Variants in ZNF407 observed in about 807,000 individuals in gnomAD.
ZNF407 encodes zinc finger protein 407.
In ZNF407, 17 loss-of-function variants were observed where a neutral mutation model predicts 131.2. The observed-to-expected ratio is 0.13, with a 90% CI of 0.09 to 0.19. ZNF407 has a LOEUF of 0.19. Among genes scored for constraint, ZNF407 ranks in the 10% least tolerant of loss-of-function variants. The probability of loss-of-function intolerance (pLI) is 1.00; values close to 1 mark genes in which losing one functional copy is unlikely to be tolerated. For synonymous variants in ZNF407, 1,156 were observed against 1,062.0 expected (o/e 1.09, Z -1.72); for missense variants, 2,681 against 2,830.6 (o/e 0.95, Z 1.20).
intron 1 of ZNF407, among the ~76,000 whole-genome samples, chr18:74,624,376 A>G (rs890179954): frequency 6.6e-6 from 1 of 152,162 alleles, no homozygotes; most frequent in African/African-American, 2.4e-5. Flanking sequence ...AGTGAACTAA[A>G]AACAACTTTT....
At chr18:75,028,834 C>G (rs1327434785) in intron 8 of ZNF407, among the ~76,000 whole-genome samples, 1 of 152,194 alleles carries the variant, frequency 6.6e-6, no homozygotes, top group Non-Finnish European at 1.5e-5. Context: ...ACATTTGTGT[C>G]TGTCTCCTGA....
At chr18:74,729,915 A>T (rs1378985468) in intron 3 of ZNF407, among the ~76,000 whole-genome samples, 2 of 152,244 alleles carry the variant, frequency 1.3e-5, no homozygotes, top group African/African-American at 4.8e-5. Flanking sequence ...TTTGGCAGTG[A>T]TGCATTATAT....
intron 4 of ZNF407, among the ~76,000 whole-genome samples, chr18:74,870,396 T>A (rs956719256): frequency 1.3e-5 from 2 of 152,200 alleles, no homozygotes; most frequent in Non-Finnish European, 2.9e-5. Context: ...GGAGGCTCCC[T>A]GGTGAACTGT....
chr18:74,613,270 C>G (rs1341338517), intron 1 of ZNF407, among the ~76,000 whole-genome samples: 1 of 147,510 alleles, frequency 6.8e-6, no homozygotes, highest in Admixed American at 6.6e-5. Context: ...TTTCTTTTGT[C>G]ATATTTATCT....
intron 7 of ZNF407, among the ~76,000 whole-genome samples, chr18:74,913,343 G>C (rs186272097): frequency 5.9e-5 from 9 of 152,304 alleles, no homozygotes; most frequent in Admixed American, 3.3e-4. Flanking sequence ...AGAATAGGTT[G>C]TGTCCACACT....
intron 4 of ZNF407, among the ~76,000 whole-genome samples, chr18:74,815,360 G>A (rs532642401): frequency 3.0e-4 from 45 of 152,140 alleles, no homozygotes; most frequent in African/African-American, 9.4e-4. Flanking sequence ...TGTCACTGAC[G>A]CATCTCTGCT....
chr18:74,832,443 G>A (rs1970498430), intron 4 of ZNF407, among the ~76,000 whole-genome samples: 1 of 151,714 alleles, frequency 6.6e-6, no homozygotes, highest in Non-Finnish European at 1.5e-5. Context: ...TTTTATTTAA[G>A]TTGGTTTTTT....
At chr18:74,779,799 C>T (rs993487168) in intron 3 of ZNF407, among the ~76,000 whole-genome samples, 2 of 151,804 alleles carry the variant, frequency 1.3e-5, no homozygotes, top group Admixed American at 1.3e-4. Context: ...TCTAAGTTCC[C>T]ATCTCTTAAT....
At chr18:74,968,086 C>T (rs1972428888) in intron 8 of ZNF407, among the ~76,000 whole-genome samples, 1 of 152,052 alleles carries the variant, frequency 6.6e-6, no homozygotes, top group Non-Finnish European at 1.5e-5. Flanking sequence ...ACATCAGTGA[C>T]CCAATTTGGC....
intron 8 of ZNF407, among the ~76,000 whole-genome samples, chr18:74,963,032 C>G (rs571508531): frequency 1.3e-3 from 196 of 152,348 alleles, no homozygotes; most frequent in African/African-American, 4.5e-3. Flanking sequence ...TCAGCCCCTT[C>G]TTCCAGCAGC....
In ZNF407 at chr18:75,064,291, G is replaced by C. The variant is rs1360910446; in HGVS notation, c.6570G>C (p.Val2190=). ...QDEPGLYSHT[V]LETADSQELL... is the part of the protein sequence containing the mutation. ...AGCCGGGCCTGTACTCCCACACCGT[G>C]CTGGAGACTGCGGACTCGCAGGAAC... is the stretch of plus-strand genomic sequence containing the variant. The change falls in exon 9 of 9, where the codon GTG becomes GTC. Residue 2190 remains valine, a synonymous_variant. Transcript: ENST00000299687. The C allele has an allele frequency of 3.1e-6, 5 of 1,603,718 alleles. No homozygotes were observed. Among genetic ancestry groups the C allele is most frequent in the Non-Finnish European group, 4.3e-6 (5 of 1,176,206 alleles).
At chr18:74,630,470 C>T (rs936253413) in intron 1 of ZNF407, among the ~76,000 whole-genome samples, 14 of 152,046 alleles carry the variant, frequency 9.2e-5, no homozygotes, top group South Asian at 2.1e-4. Flanking sequence ...CACGCCTGGC[C>T]GAAACAGTTG....
intron 3 of ZNF407, among the ~76,000 whole-genome samples, chr18:74,769,687 T>G (rs1444060236): frequency 6.6e-6 from 1 of 152,226 alleles, no homozygotes; most frequent in Non-Finnish European, 1.5e-5. Context: ...TGGCCTAGAC[T>G]AGATGCAGGT....
chr18:75,029,062 G>A (rs1973205614), intron 8 of ZNF407, among the ~76,000 whole-genome samples: 1 of 152,178 alleles, frequency 6.6e-6, no homozygotes, highest in South Asian at 2.1e-4. Flanking sequence ...TAACATCTCA[G>A]ATATCAGAAT....
chr18:74,816,743 A>G (rs756953433), intron 4 of ZNF407, among the ~76,000 whole-genome samples: 97 of 152,338 alleles, frequency 6.4e-4, no homozygotes, highest in Non-Finnish European at 7.6e-4. Flanking sequence ...TGCTGAAAGT[A>G]TTCACTTTTA....
chr18:74,916,341 AGT>A (rs369340222), intron 7 of ZNF407, among the ~76,000 whole-genome samples: 5,687 of 34,826 alleles, frequency 0.16, 3 homozygotes, highest in Middle Eastern at 0.19. Context: ...TCGAATCGGG[AGT>A]GTGTGTGTGT....
intron 1 of ZNF407, among the ~76,000 whole-genome samples, chr18:74,623,194 CTG>C (rs1568317143): frequency 2.7e-5 from 4 of 149,470 alleles, no homozygotes; most frequent in South Asian, 2.1e-4. Flanking sequence ...CCGTGTGTGT[CTG>C]TATGTCTGTG....
At chr18:75,009,710 T>C (rs1201290490) in intron 8 of ZNF407, among the ~76,000 whole-genome samples, 4 of 152,134 alleles carry the variant, frequency 2.6e-5, no homozygotes, top group African/African-American at 7.2e-5. Context: ...TTTTGCTTCA[T>C]AGTAAAGTAA....
At chr18:75,055,349 T>G (rs766014627) in intron 8 of ZNF407, among the ~76,000 whole-genome samples, 10 of 152,094 alleles carry the variant, frequency 6.6e-5, no homozygotes, top group Non-Finnish European at 1.3e-4. Context: ...TGCACCACGA[T>G]CTCTCTGTGT....
Sources: gnomAD v4.1 joint callset for allele counts (sites outside exome capture counted in the v4.1 genomes callset) on GRCh38, gnomAD v4.1.1 for gene constraint, MANE v1.5 for transcripts, NCBI Gene and HGNC (gene_info 2026-07-23, HGNC 2026-07-21) for gene names.